SYNGR1: variants seen among roughly 807,000 people sequenced by gnomAD.
The protein encoded by SYNGR1 is synaptogyrin-1.
Under a neutral mutation model 26.1 loss-of-function variants are expected in SYNGR1, and 14 were observed. The ratio of observed to expected loss-of-function variants is 0.54; its 90% CI spans 0.35 to 0.84. The LOEUF (loss-of-function observed/expected upper bound fraction) is 0.84, where lower values mean the gene tolerates loss of function less well. Ranked by LOEUF, SYNGR1 falls within the 40% of genes least tolerant of loss-of-function variation. The pLI is 0.01. For missense variants in SYNGR1, 319 were observed against 332.9 expected, an observed-to-expected ratio of 0.96 and a Z score of 0.33; for synonymous variants, 141 against 150.1, an observed-to-expected ratio of 0.94 and a Z score of 0.44.
Position 39,374,531 on chromosome 22 carries a change from C to T in SYNGR1, c.315C>T (p.Val105=). Residue 105 remains valine, a synonymous_variant, in exon 2 of 4, where the codon GTC becomes GTT. Transcript: ENST00000328933. ...ISSVKDRKKA[V]LSDIGVSAFW... is the part of the protein sequence containing the mutation. Reference sequence around the variant, plus strand: ...GCGTCAAGGACCGCAAGAAAGCCGTCCTGTCCGACATCGGTGTCTCGGGTG... The same window carrying T: ...GCGTCAAGGACCGCAAGAAAGCCGTTCTGTCCGACATCGGTGTCTCGGGTG... 14 of 1,613,578 alleles carry T rather than the reference C, an allele frequency of 8.7e-6. No individual in the cohort carries two copies. The highest frequency in any genetic ancestry group is 1.2e-5 in the Non-Finnish European group (14 of 1,179,998).
intron 1 of SYNGR1, among the ~76,000 whole-genome samples, chr22:39,369,279 A>G (rs1924910996): frequency 6.7e-6 from 1 of 148,764 alleles, no homozygotes; most frequent in African/African-American, 2.5e-5. Flanking sequence ...TCCACGGCCC[A>G]AGCAGCTGGC....
At position 39,382,224 on chromosome 22, in the gene SYNGR1, G is replaced by T. The variant is rs1431778478; in HGVS notation, c.*310G>T. 1 of 493,754 alleles carries T rather than the reference G, an allele frequency of 2.0e-6. No individual in the cohort carries two copies. The highest frequency in any genetic ancestry group is 3.7e-6 in the Non-Finnish European group (1 of 269,850). The allele number at this position is 493,754 out of a possible 1,614,324, so 30.6% of individuals were successfully genotyped here. A position where few individuals can be genotyped will look rare whatever the true frequency, so the allele number is the denominator to read the frequency against. On this transcript the variant is annotated 3_prime_UTR_variant, in exon 4 of 4. Transcript: ENST00000328933. Reference sequence around the variant, plus strand: ...GGGCATCCGGCCTGTGCTGGGCATGGGTGGTGACATTGGCAGAAATGGCCA... The same window carrying T: ...GGGCATCCGGCCTGTGCTGGGCATGTGTGGTGACATTGGCAGAAATGGCCA...
chr22:39,365,092 C>T (rs900665943), intron 1 of SYNGR1, among the ~76,000 whole-genome samples: 8 of 152,198 alleles, frequency 5.3e-5, no homozygotes, highest in African/African-American at 1.4e-4. Flanking sequence ...CCTCCATCCT[C>T]CCCTGTTTCT....
intron 1 of SYNGR1, among the ~76,000 whole-genome samples, chr22:39,359,482 T>A (rs938205692): frequency 8.6e-5 from 13 of 151,056 alleles, no homozygotes; most frequent in African/African-American, 3.2e-4. Flanking sequence ...TACAAAAAAA[T>A]TAGCCGGGTG....
intron 1 of SYNGR1, among the ~76,000 whole-genome samples, chr22:39,369,806 C>T (rs1924936400): frequency 6.6e-6 from 1 of 152,206 alleles, no homozygotes; most frequent in Non-Finnish European, 1.5e-5. Context: ...GTCTCATGGT[C>T]ATGGGGTTTT....
At chr22:39,368,480 G>A (rs1924872814) in intron 1 of SYNGR1, among the ~76,000 whole-genome samples, 1 of 152,208 alleles carries the variant, frequency 6.6e-6, no homozygotes, top group Admixed American at 6.5e-5. Flanking sequence ...TGTGACCTGT[G>A]ATGAATGCCT....
chr22:39,381,818 C>CA lies in SYNGR1; in HGVS notation c.607dup (p.Thr203AsnfsTer72), dbSNP rs1555944392. On this transcript the variant is annotated frameshift_variant, in exon 4 of 4. Transcript: ENST00000328933. LOFTEE classifies it high-confidence loss of function. ...TGCCTTACGCGCCCTACGTGGAGCC[C>CA]ACTGGGCCGGATCCCGCCGGTATGG... The CA allele has an allele frequency of 6.8e-7, 1 of 1,471,322 alleles. No individual in the cohort carries two copies. Among genetic ancestry groups the CA allele is most frequent in the Non-Finnish European group, 8.9e-7 (1 of 1,119,346 alleles). The allele number at this position is 1,471,322 out of a possible 1,614,324, so 91.1% of individuals were successfully genotyped here.
At chr22:39,357,530 T>C (rs1924199687) in intron 1 of SYNGR1, among the ~76,000 whole-genome samples, 1 of 151,898 alleles carries the variant, frequency 6.6e-6, no homozygotes, top group Non-Finnish European at 1.5e-5. Context: ...TGCAGGGAGG[T>C]GTGGAGGGAG....
At chr22:39,381,642 TC>T in intron 3 of SYNGR1, 53 bp from the exon 4 acceptor site, 1 of 1,593,234 alleles carries the variant, frequency 6.3e-7, no homozygotes, top group African/African-American at 1.3e-5. Context: ...TGTCTGTCTC[TC>T]CCCTAACCAC....
chr22:39,364,179 A>T, intron 1 of SYNGR1: 1 of 1,612,590 alleles, frequency 6.2e-7, no homozygotes, highest in Non-Finnish European at 8.5e-7. Flanking sequence ...ACCAGCAGGC[A>T]TGCCTCCTTG....
At position 39,365,760 on chromosome 22, in the gene SYNGR1, G is replaced by A. The variant is rs557525192; in HGVS notation, c.100-8556G>A. Among the ~76,000 whole-genome samples the A allele has an allele frequency of 3.3e-5, 5 of 152,168 alleles. No homozygotes were observed. The South Asian group carries it at 1.0e-3, about 32-fold the overall frequency. On this transcript the variant is annotated intron_variant, in intron 1 of 3. Transcript: ENST00000328933. ...GCAGGCTGCAAGGGATGTGGCATTTGCAGGCGACGGCTCTGCTCCCCATTA... is the reference window on the plus strand; with the variant it reads ...GCAGGCTGCAAGGGATGTGGCATTTACAGGCGACGGCTCTGCTCCCCATTA...
intron 3 of SYNGR1, among the ~76,000 whole-genome samples, chr22:39,381,352 T>A (rs559756307): frequency 1.4e-4 from 22 of 152,340 alleles, no homozygotes; most frequent in South Asian, 1.0e-3. Context: ...AAGCTTTTTT[T>A]AAGAAGGCTG....
At chr22:39,376,997 C>T (rs1238428727) in intron 3 of SYNGR1, 12 of 1,550,690 alleles carry the variant, frequency 7.7e-6, no homozygotes, top group Non-Finnish European at 1.0e-5. Flanking sequence ...TTCTTCTCTC[C>T]TAATCACCCT....
At chr22:39,378,306 T>G in intron 3 of SYNGR1, 1 of 963,696 alleles carries the variant, frequency 1.0e-6, no homozygotes, top group Non-Finnish European at 1.2e-6. Context: ...TCAAGGCTGT[T>G]GTGCCAATGA....
At position 39,350,075 on chromosome 22, in the gene SYNGR1, G is replaced by T; in HGVS notation, c.65G>T (p.Arg22Leu). ...GCCTTCGACCCCTACACCCTGGTCC[G>T]GCAGCCGCACACCATCCTGCGCGTC... ...GGAFDPYTLV[R>L]QPHTILRVVS... The change falls in exon 1 of 4, where the codon CGG becomes CTG. Residue 22 changes from arginine to leucine, a missense_variant. Coordinates refer to ENST00000328933, the MANE Select transcript of SYNGR1 (RefSeq NM_004711.5). This position sits in a 1 kb window ranked among gnomAD's most constrained non-coding sequence, Gnocchi z 4.3. 1 of 1,466,332 alleles carries T rather than the reference G, an allele frequency of 6.8e-7. No homozygotes were observed. The highest frequency in any genetic ancestry group is 9.1e-7 in the Non-Finnish European group (1 of 1,096,178). The allele number at this position is 1,466,332 out of a possible 1,614,324, so 90.8% of individuals were successfully genotyped here.
intron 3 of SYNGR1, chr22:39,378,312 A>G: frequency 1.0e-6 from 1 of 967,528 alleles, no homozygotes; most frequent in Non-Finnish European, 1.2e-6. Flanking sequence ...CTGTTGTGCC[A>G]ATGAAACAAA....
intron 1 of SYNGR1, among the ~76,000 whole-genome samples, chr22:39,359,163 C>T (rs1007946224): frequency 1.3e-5 from 2 of 152,200 alleles, no homozygotes; most frequent in African/African-American, 4.8e-5. Context: ...GCTGCTTTAT[C>T]CCTCAGACCC....
intron 1 of SYNGR1, among the ~76,000 whole-genome samples, chr22:39,361,860 T>G (rs1924487961): frequency 6.6e-6 from 1 of 151,972 alleles, no homozygotes; most frequent in South Asian, 2.1e-4. Flanking sequence ...CTTCCCTGCC[T>G]CTGAAAGGGC....
chr22:39,365,988 CTTTTTTTTTTTTT>C (rs777416803), intron 1 of SYNGR1, among the ~76,000 whole-genome samples: 1 of 68,382 alleles, frequency 1.5e-5, no homozygotes, highest in Admixed American at 2.3e-4. Flanking sequence ...TCAGCCCCTT[CTTTTTTTTTTTTT>C]TTTTTTTTTT....
Sources: gnomAD v4.1 joint callset for allele counts (sites outside exome capture counted in the v4.1 genomes callset) on GRCh38, gnomAD v4.1.1 for gene constraint, Gnocchi (gnomAD v3.1) non-coding constraint, MANE v1.5 for transcripts, NCBI Gene and HGNC (gene_info 2026-07-23, HGNC 2026-07-21) for gene names.